ST8SIA1: variants seen among roughly 807,000 people sequenced by gnomAD.
ST8SIA1 encodes the protein ST8 alpha-N-acetyl-neuraminide alpha-2,8-sialyltransferase 1.
Under a neutral mutation model 35.9 loss-of-function variants are expected in ST8SIA1, and 16 were observed. The observed-to-expected ratio is 0.45, with a 90% CI of 0.30 to 0.68. The LOEUF is 0.68. Among genes scored for constraint, ST8SIA1 ranks in the 30% least tolerant of loss-of-function variants. The probability of loss-of-function intolerance (pLI) is 0.09; values close to 1 mark genes in which losing one functional copy is unlikely to be tolerated. For synonymous variants in ST8SIA1, 170 were observed against 169.6 expected, an observed-to-expected ratio of 1.00 and a Z score of -0.02; for missense variants, 383 against 453.6, an observed-to-expected ratio of 0.84 and a Z score of 1.41.
chr12:22,281,687 A>G (rs1354878871), intron 2 of ST8SIA1, among the ~76,000 whole-genome samples: 1 of 152,110 alleles, frequency 6.6e-6, no homozygotes, highest in Non-Finnish European at 1.5e-5. Context: ...AAAAAGCTGC[A>G]AAAGAAATTT....
In ST8SIA1 at chr12:22,292,225, C is replaced by G. The variant is rs186392954; in HGVS notation, c.237-4932G>C. Among the ~76,000 whole-genome samples, 615 of 152,232 alleles carry G rather than the reference C, an allele frequency of 4.0e-3. 3 individuals carry two copies. Among genetic ancestry groups the G allele is most frequent in the South Asian group, 0.012 (57 of 4,818 alleles). On this transcript the variant is annotated intron_variant, in intron 1 of 4. Coordinates refer to ENST00000396037, the MANE Select transcript of ST8SIA1 (RefSeq NM_003034.4). ...AAAAGTTCCATGAGGAATAAATACT[C>G]CAAAAATAATATCATGAGAAATCAT...
chr12:22,223,763 C>T, intron 4 of ST8SIA1: 3 of 1,253,820 alleles, frequency 2.4e-6, no homozygotes, highest in Non-Finnish European at 3.1e-6. Context: ...CTCTCGACAG[C>T]TGTAAAATCC....
intron 2 of ST8SIA1, among the ~76,000 whole-genome samples, chr12:22,270,704 C>T (rs1565582963): frequency 6.6e-6 from 1 of 152,082 alleles, no homozygotes; most frequent in Non-Finnish European, 1.5e-5. Context: ...TTAATGAGGA[C>T]GCTGTATGTG....
intron 2 of ST8SIA1, among the ~76,000 whole-genome samples, chr12:22,279,380 A>C (rs1394815610): frequency 2.6e-5 from 4 of 152,166 alleles, no homozygotes; most frequent in Non-Finnish European, 5.9e-5. Flanking sequence ...ACTGTGCTTC[A>C]GCCTTGCTTA....
chr12:22,221,504 CA>C (rs1345679711), intron 4 of ST8SIA1, among the ~76,000 whole-genome samples: 2 of 152,146 alleles, frequency 1.3e-5, no homozygotes, highest in African/African-American at 4.8e-5. Flanking sequence ...TAGAAAATAA[CA>C]AAGAAGAGGA....
chr12:22,296,850 C>T (rs151241778), intron 1 of ST8SIA1, among the ~76,000 whole-genome samples: 1,593 of 152,290 alleles, frequency 0.01, 20 homozygotes, highest in Middle Eastern at 0.02. Context: ...GCTGAAAATA[C>T]GGTCCAGATC....
At chr12:22,275,448 G>T (rs567609261) in intron 2 of ST8SIA1, among the ~76,000 whole-genome samples, 1 of 152,052 alleles carries the variant, frequency 6.6e-6, no homozygotes, top group African/African-American at 2.4e-5. Context: ...CCAGCTACTC[G>T]GAGGCTGAGG....
intron 1 of ST8SIA1, among the ~76,000 whole-genome samples, chr12:22,320,231 G>T (rs1252962712): frequency 2.6e-5 from 4 of 152,136 alleles, no homozygotes; most frequent in African/African-American, 7.2e-5. Flanking sequence ...CTTCATGAAG[G>T]TTCAAAGACT....
In ST8SIA1 at chr12:22,293,933, C is replaced by A. The variant is rs191343203; in HGVS notation, c.237-6640G>T. 3.4e-3 allele frequency among the ~76,000 whole-genome samples: 522 copies of A among 152,136 alleles called. 4 individuals carry two copies. Among genetic ancestry groups the A allele is most frequent in the African/African-American group, 0.012 (487 of 41,540 alleles). On this transcript the variant is annotated intron_variant, in intron 1 of 4. Coordinates refer to ENST00000396037, the MANE Select transcript of ST8SIA1 (RefSeq NM_003034.4). ...TCAGAGAAGTTTCTTATTCTAAAAACTAAGCGGCAGATTTCACATGAAAGT... is the reference window on the plus strand; with the variant it reads ...TCAGAGAAGTTTCTTATTCTAAAAAATAAGCGGCAGATTTCACATGAAAGT...
rs1327951660 is a variant in ST8SIA1 at position 22,201,883 on chromosome 12, G to C, written c.740C>G (p.Thr247Arg). ...YTLSDVGANQ[T>R]VLFANPNFLR... is the part of the protein sequence containing the mutation. The stretch of plus-strand genomic sequence containing the variant: ...AAAGTTGGGGTTGGCAAACAGCACT[G>C]TTTGATTGGCACCAACATCTGACAG... Residue 247 changes from threonine (T) to arginine (R), a missense_variant, in exon 5 of 5, where the codon ACA becomes AGA. By Grantham distance (71) the Thr-to-Arg change is moderately conservative (BLOSUM62 -1). Transcript: ENST00000396037. 2 of 1,614,026 alleles carry C rather than the reference G, an allele frequency of 1.2e-6. No homozygotes were observed. The highest frequency in any genetic ancestry group is 1.7e-6 in the Non-Finnish European group (2 of 1,180,000).
intron 2 of ST8SIA1, among the ~76,000 whole-genome samples, chr12:22,279,950 T>A (rs759306400): frequency 4.6e-5 from 7 of 152,208 alleles, no homozygotes; most frequent in Non-Finnish European, 1.0e-4. Flanking sequence ...TGTTTGGCCA[T>A]CAATGGAAGG....
chr12:22,301,001 C>A (rs1413349033), intron 1 of ST8SIA1, among the ~76,000 whole-genome samples: 1 of 151,978 alleles, frequency 6.6e-6, no homozygotes, highest in East Asian at 1.9e-4. Flanking sequence ...ATGAGACACT[C>A]CTATCATTCT....
chr12:22,291,593 G>T (rs1166953059), intron 1 of ST8SIA1, among the ~76,000 whole-genome samples: 1 of 152,058 alleles, frequency 6.6e-6, no homozygotes, highest in Non-Finnish European at 1.5e-5. Flanking sequence ...ATCTAATCAG[G>T]GTATCAATGT....
intron 2 of ST8SIA1, among the ~76,000 whole-genome samples, chr12:22,279,084 A>C (rs74068541): frequency 0.039 from 5,879 of 152,264 alleles, 395 homozygotes; most frequent in African/African-American, 0.13. Context: ...TTTTTGTCTG[A>C]AAAATTCTAC....
Position 22,251,622 on chromosome 12 carries a change from C to T in ST8SIA1, c.492-2524G>A, listed in dbSNP as rs556186653. ...AAATTGATAATTACAAAGATGTACA[C>T]AAAAGGCACATTTAATACAGTCAAA... On this transcript the variant is annotated intron_variant, in intron 3 of 4. Coordinates refer to ENST00000396037, the MANE Select transcript of ST8SIA1 (RefSeq NM_003034.4). 7.9e-5 allele frequency among the ~76,000 whole-genome samples: 12 copies of T among 152,230 alleles called. No homozygotes were observed. In the South Asian group the frequency reaches 2.3e-3, roughly 29 times the overall value.
chr12:22,246,224 G>A (rs1865599791), intron 4 of ST8SIA1, among the ~76,000 whole-genome samples: 1 of 152,162 alleles, frequency 6.6e-6, no homozygotes. Flanking sequence ...ACTATCTGTA[G>A]ATAGTGTTGG....
At chr12:22,325,263 C>T (rs892935926) in intron 1 of ST8SIA1, 4 of 548,858 alleles carry the variant, frequency 7.3e-6, no homozygotes, top group African/African-American at 1.9e-5. Context: ...ATTTTGCATC[C>T]CAGGCAAGAT....
At chr12:22,229,718 G>A (rs1343655339) in intron 4 of ST8SIA1, among the ~76,000 whole-genome samples, 1 of 152,026 alleles carries the variant, frequency 6.6e-6, no homozygotes, top group Non-Finnish European at 1.5e-5. Context: ...ATCAAGGATG[G>A]TTTGATGGGA....
intron 1 of ST8SIA1, among the ~76,000 whole-genome samples, chr12:22,317,624 G>A (rs139788074): frequency 1.8e-4 from 27 of 152,314 alleles, no homozygotes; most frequent in African/African-American, 5.8e-4. Flanking sequence ...ATGGCAGCTG[G>A]TTTCCCCCAG....
Sources: gnomAD v4.1 joint callset for allele counts (sites outside exome capture counted in the v4.1 genomes callset) on GRCh38, gnomAD v4.1.1 for gene constraint, MANE v1.5 for transcripts, NCBI Gene and HGNC (gene_info 2026-07-23, HGNC 2026-07-21) for gene names.